Variants in STPG2 observed in about 807,000 individuals in gnomAD.
STPG2 encodes the protein sperm tail PG-rich repeat containing 2, also known as sperm-tail PG-rich repeat-containing protein 2.
STPG2 carries 56 observed loss-of-function variants against 54.2 expected under a neutral mutation model. That is an observed-to-expected ratio of 1.03 (90% CI 0.83 to 1.29). STPG2 has a LOEUF of 1.29. Ranked by LOEUF, STPG2 falls within the 50% of genes most tolerant of loss-of-function variation. STPG2 has a pLI of 0.00. For missense variants in STPG2, 596 were observed against 544.9 expected, an observed-to-expected ratio of 1.09 and a Z score of -0.93; for synonymous variants, 200 against 181.8, an observed-to-expected ratio of 1.10 and a Z score of -0.81.
At chr4:97,809,295 G>A (rs903761246) in intron 9 of STPG2, among the ~76,000 whole-genome samples, 4 of 152,116 alleles carry the variant, frequency 2.6e-5, no homozygotes, top group Non-Finnish European at 4.4e-5. Flanking sequence ...AGAGCAGCAC[G>A]TTTTAACTAA....
chr4:97,976,596 T>C (rs949893569), intron 6 of STPG2, among the ~76,000 whole-genome samples: 1 of 152,134 alleles, frequency 6.6e-6, no homozygotes, highest in Non-Finnish European at 1.5e-5. Flanking sequence ...TGCCTTATAG[T>C]AGTAACTTGC....
chr4:97,465,612 A>G (rs1729769210), intron 4 of STPG2, among the ~76,000 whole-genome samples: 1 of 152,056 alleles, frequency 6.6e-6, no homozygotes, highest in Non-Finnish European at 1.5e-5. Flanking sequence ...CCCAGTGCAT[A>G]CCAAAATCCT....
intron 5 of STPG2, among the ~76,000 whole-genome samples, chr4:98,039,455 C>T (rs1301665073): frequency 1.5e-5 from 1 of 65,112 alleles, no homozygotes; most frequent in Non-Finnish European, 3.5e-5. Flanking sequence ...TGTACATATA[C>T]ATATTTCTTT....
At chr4:97,657,485 G>T (rs944476386) in intron 10 of STPG2, among the ~76,000 whole-genome samples, 9 of 152,102 alleles carry the variant, frequency 5.9e-5, no homozygotes, top group African/African-American at 2.2e-4. Flanking sequence ...CTAGCTTGAT[G>T]TATAACTTTA....
intron 5 of STPG2, among the ~76,000 whole-genome samples, chr4:98,069,285 G>GTT (rs1243950097): frequency 7.3e-6 from 1 of 136,546 alleles, no homozygotes; most frequent in East Asian, 2.1e-4. Flanking sequence ...TTGTTTTTAA[G>GTT]TTTTTTTAGA....
At chr4:98,070,531 A>G (rs1405115639) in intron 5 of STPG2, among the ~76,000 whole-genome samples, 1 of 151,512 alleles carries the variant, frequency 6.6e-6, no homozygotes, top group Non-Finnish European at 1.5e-5. Context: ...ATATGGCAAG[A>G]GAAAGAAATA....
intron 10 of STPG2, among the ~76,000 whole-genome samples, chr4:97,636,799 T>C (rs921875600): frequency 1.3e-5 from 2 of 152,106 alleles, no homozygotes; most frequent in South Asian, 2.1e-4. Flanking sequence ...CAGGAAGAAG[T>C]TGAATCTCTG....
At chr4:97,485,094 A>C (rs1337905886) in intron 4 of STPG2, among the ~76,000 whole-genome samples, 1 of 151,884 alleles carries the variant, frequency 6.6e-6, no homozygotes, top group Non-Finnish European at 1.5e-5. Context: ...AGCCACAGCC[A>C]ACATAATATT....
chr4:98,095,769 GA>G (rs1339427370), intron 5 of STPG2, among the ~76,000 whole-genome samples: 1 of 152,108 alleles, frequency 6.6e-6, no homozygotes, highest in Non-Finnish European at 1.5e-5. Flanking sequence ...CTCCCAAAGA[GA>G]AAATCAACAA....
chr4:97,526,036 A>G (rs2148849783), intron 4 of STPG2, among the ~76,000 whole-genome samples: 1 of 152,204 alleles, frequency 6.6e-6, no homozygotes, highest in Admixed American at 6.6e-5. Context: ...CCATTACCTT[A>G]AATAATTTTT....
At chr4:98,072,204 A>C (rs1032855075) in intron 5 of STPG2, among the ~76,000 whole-genome samples, 4 of 152,212 alleles carry the variant, frequency 2.6e-5, no homozygotes, top group Admixed American at 6.6e-5. Context: ...GTTGTTACAT[A>C]TATACCACAG....
chr4:97,894,836 G>A (rs1730899998), intron 8 of STPG2, among the ~76,000 whole-genome samples: 1 of 151,856 alleles, frequency 6.6e-6, no homozygotes, highest in South Asian at 2.1e-4. Flanking sequence ...AGCAAAAGCA[G>A]CTGAGAGAAA....
chr4:98,076,549 T>C (rs1428434299), intron 5 of STPG2, among the ~76,000 whole-genome samples: 1 of 152,196 alleles, frequency 6.6e-6, no homozygotes, highest in African/African-American at 2.4e-5. Flanking sequence ...AATGTTGAGA[T>C]TGGTCATGTG....
At chr4:97,627,406 TA>T (rs1469572859) in intron 10 of STPG2, among the ~76,000 whole-genome samples, 3 of 152,262 alleles carry the variant, frequency 2.0e-5, no homozygotes, top group African/African-American at 7.2e-5. Flanking sequence ...AAACTGTTTT[TA>T]AAAAATGAAA....
chr4:98,102,928 A>T (rs954405441), intron 5 of STPG2, among the ~76,000 whole-genome samples: 1 of 149,568 alleles, frequency 6.7e-6, no homozygotes, highest in Non-Finnish European at 1.5e-5. Context: ...ATAATCATAT[A>T]TATTATATAT....
At chr4:97,950,389 T>A (rs1293251623) in intron 7 of STPG2, among the ~76,000 whole-genome samples, 3 of 152,164 alleles carry the variant, frequency 2.0e-5, no homozygotes. Context: ...TAGCCTATTG[T>A]TAAAACCTCT....
chr4:97,669,041 T>A (rs1201823478), intron 10 of STPG2, among the ~76,000 whole-genome samples: 24 of 151,074 alleles, frequency 1.6e-4, no homozygotes, highest in Admixed American at 1.3e-3. Flanking sequence ...TCCAGAGAGG[T>A]TAAAAAAAAA....
intron 8 of STPG2, among the ~76,000 whole-genome samples, chr4:97,902,985 T>G (rs1004314470): frequency 3.9e-5 from 6 of 152,116 alleles, no homozygotes; most frequent in African/African-American, 1.2e-4. Flanking sequence ...AGAAAAAGTT[T>G]GCATGATCTC....
intron 7 of STPG2, among the ~76,000 whole-genome samples, chr4:97,948,747 TA>T (rs746355749): frequency 2.3e-4 from 35 of 152,264 alleles, no homozygotes; most frequent in Non-Finnish European, 1.2e-4. Flanking sequence ...AGTTGATTTC[TA>T]TTTGTATTCT....
Sources: allele counts gnomAD v4.1 joint callset (sites outside exome capture counted in the v4.1 genomes callset), GRCh38; gene constraint gnomAD v4.1.1; transcripts MANE v1.5; gene names NCBI Gene and HGNC (gene_info 2026-07-23, HGNC 2026-07-21).